The following IFI16 variants were observed in gnomAD, a reference collection of about 807,000 sequenced individuals.
The protein encoded by IFI16 is interferon gamma inducible protein 16.
A neutral mutation model predicts 68.4 loss-of-function variants in IFI16; 49 were observed. That is an observed-to-expected ratio of 0.72 (90% CI 0.57 to 0.91). The LOEUF is 0.91. Ranked by LOEUF, IFI16 falls within the 40% of genes least tolerant of loss-of-function variation. The probability of loss-of-function intolerance (pLI) is 0.00; values close to 1 mark genes in which losing one functional copy is unlikely to be tolerated. For synonymous variants in IFI16, 307 were observed against 315.0 expected, an observed-to-expected ratio of 0.97 and a Z score of 0.27; for missense variants, 878 against 942.9, an observed-to-expected ratio of 0.93 and a Z score of 0.90.
At chr1:159,020,703 T>C (rs1002633873) in intron 6 of IFI16, among the ~76,000 whole-genome samples, 174 bp downstream of exon 6, 5 of 152,128 alleles carry the variant, frequency 3.3e-5, no homozygotes, top group Non-Finnish European at 7.4e-5. Flanking sequence ...CTGGATGGAA[T>C]GATGTGATAG....
intron 1 of IFI16, among the ~76,000 whole-genome samples, chr1:159,011,535 A>G (rs1277314011): frequency 6.6e-6 from 1 of 152,034 alleles, no homozygotes; most frequent in Non-Finnish European, 1.5e-5. Flanking sequence ...ATGTCTGTAC[A>G]TGTGTGTATA....
At chr1:159,009,182 G>A (rs1351770954), upstream of IFI16, 1 of 152,148 alleles carries the variant, frequency 6.6e-6, no homozygotes, top group Non-Finnish European at 1.5e-5. Context: ...GTTTATCCAG[G>A]AATAATGCAG....
At chr1:159,000,776 G>A (rs113583686) in intron 1 of IFI16, among the ~76,000 whole-genome samples, 1 of 152,298 alleles carries the variant, frequency 6.6e-6, no homozygotes, top group African/African-American at 2.4e-5. Flanking sequence ...GATTCCCAGT[G>A]TTGGAGGTGG....
chr1:159,013,629 A>G (rs1050033686), intron 1 of IFI16, among the ~76,000 whole-genome samples: 1 of 152,098 alleles, frequency 6.6e-6, no homozygotes, highest in South Asian at 2.1e-4. Context: ...CACTCTGTCC[A>G]TAGGGAGACT....
intron 7 of IFI16, among the ~76,000 whole-genome samples, chr1:159,043,374 C>T (rs921789132): frequency 5.3e-5 from 8 of 152,244 alleles, no homozygotes; most frequent in African/African-American, 1.9e-4. Context: ...ACCTTGCCTG[C>T]CTAAATATGC....
intron 4 of IFI16, 121 bp from the exon 5 acceptor site, chr1:159,018,108 A>G (rs1653051446): frequency 2.7e-6 from 2 of 745,938 alleles, no homozygotes; most frequent in Non-Finnish European, 2.2e-6. Context: ...CTCTATCCTG[A>G]CTCCAGCTCT....
At chr1:159,031,335 A>G (rs1653986078) in intron 6 of IFI16, among the ~76,000 whole-genome samples, 3 of 152,110 alleles carry the variant, frequency 2.0e-5, no homozygotes, top group South Asian at 2.1e-4. Context: ...GCACTCCCAG[A>G]TCACCCCCAC....
Position 159,051,982 on chromosome 1 carries a change from C to T in IFI16, c.1969C>T (p.Arg657Ter), listed in dbSNP as rs747530999. Residue 657 changes from arginine to a stop codon, truncating the protein, a stop_gained, in exon 10 of 12, where the codon CGA becomes TGA. Coordinates refer to ENST00000295809, the MANE Select transcript of IFI16 (RefSeq NM_001376587.1). LOFTEE classifies it high-confidence loss of function. ...FTLVADVNAD[R>*]NMEIPKGLIR... ...ACTTGTGGCTGATGTGAATGCTGACCGAAACATGGAGATCCCAAAAGGATT... is the reference window on the plus strand; with the variant it reads ...ACTTGTGGCTGATGTGAATGCTGACTGAAACATGGAGATCCCAAAAGGATT... The T allele has an allele frequency of 1.1e-5, 17 of 1,613,934 alleles. No individual in the cohort carries two copies. Among genetic ancestry groups the T allele is most frequent in the African/African-American group, 1.3e-5 (1 of 74,982 alleles).
chr1:159,024,330 T>C (rs1653518672), intron 6 of IFI16, among the ~76,000 whole-genome samples: 1 of 152,180 alleles, frequency 6.6e-6, no homozygotes. Flanking sequence ...GGGGGTCTTT[T>C]TCATTTATGT....
At chr1:159,007,864 A>G (rs749564242), upstream of IFI16, among the ~76,000 whole-genome samples, 1 of 152,194 alleles carries the variant, frequency 6.6e-6, no homozygotes, top group Non-Finnish European at 1.5e-5. Context: ...AGTCTTCTCT[A>G]AAAAGGGGAA....
chr1:159,020,741 G>T (rs1240577205), intron 6 of IFI16, among the ~76,000 whole-genome samples: 1 of 151,778 alleles, frequency 6.6e-6, no homozygotes, highest in East Asian at 1.9e-4. Context: ...AAAGAAATCT[G>T]AACTTTATCA....
At chr1:159,019,381 G>T (rs992947341) in intron 5 of IFI16, among the ~76,000 whole-genome samples, 7 of 151,702 alleles carry the variant, frequency 4.6e-5, no homozygotes, top group African/African-American at 1.5e-4. Context: ...ATTGATTCAA[G>T]CAATTTATCT....
intron 6 of IFI16, among the ~76,000 whole-genome samples, chr1:159,030,548 TAC>T: frequency 6.6e-6 from 1 of 152,136 alleles, no homozygotes; most frequent in East Asian, 1.9e-4. Flanking sequence ...AGAGCTGAAC[TAC>T]AGTGATTGTC....
chr1:159,042,836 T>C (rs557654473), intron 7 of IFI16, among the ~76,000 whole-genome samples: 29 of 152,346 alleles, frequency 1.9e-4, no homozygotes, highest in African/African-American at 6.7e-4. Context: ...AGCTTGCCTT[T>C]TGTTCTGCCC....
At chr1:159,013,500 G>T (rs1652717652) in intron 1 of IFI16, among the ~76,000 whole-genome samples, 1 of 151,920 alleles carries the variant, frequency 6.6e-6, no homozygotes, top group African/African-American at 2.4e-5. Context: ...AGATATCTTG[G>T]TTATACACAA....
intron 8 of IFI16, among the ~76,000 whole-genome samples, chr1:159,046,967 G>A (rs1481640113): frequency 1.3e-5 from 2 of 149,460 alleles, no homozygotes; most frequent in African/African-American, 4.9e-5. Flanking sequence ...TTACACTTGT[G>A]TGTTATCAAC....
upstream of IFI16, among the ~76,000 whole-genome samples, chr1:159,006,287 G>C (rs537926053): frequency 1.3e-5 from 2 of 152,288 alleles, no homozygotes; most frequent in East Asian, 3.9e-4. Context: ...AGGAAGGGGA[G>C]GGGGACTCAA....
chr1:159,039,554 G>T (rs954022782), intron 7 of IFI16, among the ~76,000 whole-genome samples: 1 of 152,108 alleles, frequency 6.6e-6, no homozygotes, highest in Non-Finnish European at 1.5e-5. Flanking sequence ...ATGTTGGCCA[G>T]ACTGGTCTTG....
At chr1:159,006,931 A>G (rs1409317189), upstream of IFI16, among the ~76,000 whole-genome samples, 1 of 152,252 alleles carries the variant, frequency 6.6e-6, no homozygotes, top group Non-Finnish European at 1.5e-5. Flanking sequence ...GACTGTTTAT[A>G]GAATTGAATT....
Sources: allele counts gnomAD v4.1 joint callset (sites outside exome capture counted in the v4.1 genomes callset), GRCh38; gene constraint gnomAD v4.1.1; transcripts MANE v1.5; gene names NCBI Gene and HGNC (gene_info 2026-07-23, HGNC 2026-07-21).